Variants in SPECC1 observed in about 807,000 individuals in gnomAD.
SPECC1 encodes the protein cytospin-B.
In SPECC1, 62 loss-of-function variants were observed where a neutral mutation model predicts 104.1. The ratio of observed to expected loss-of-function variants is 0.60; its 90% CI spans 0.49 to 0.74. The LOEUF (loss-of-function observed/expected upper bound fraction) is 0.74. Ranked by LOEUF, SPECC1 falls within the 30% of genes least tolerant of loss-of-function variation. The pLI, the probability that SPECC1 is intolerant of heterozygous loss-of-function variation, is 0.00. For missense variants in SPECC1, 1,306 were observed against 1,310.5 expected (o/e 1.00, Z 0.05); for synonymous variants, 513 against 501.6 (o/e 1.02, Z -0.30).
chr17:20,291,521 C>G (rs1431663082), intron 12 of SPECC1, among the ~76,000 whole-genome samples: 1 of 152,158 alleles, frequency 6.6e-6, no homozygotes, highest in East Asian at 1.9e-4. Flanking sequence ...CACAGGCACT[C>G]AGCAAATGCC....
chr17:20,186,539 C>T (rs191544873), intron 3 of SPECC1, among the ~76,000 whole-genome samples: 250 of 152,226 alleles, frequency 1.6e-3, no homozygotes, highest in African/African-American at 5.6e-3. Context: ...TAAAAGTATG[C>T]CAAATGGTTT....
At chr17:20,270,464 A>G (rs1216994418) in intron 12 of SPECC1, among the ~76,000 whole-genome samples, 2 of 106,552 alleles carry the variant, frequency 1.9e-5, no homozygotes, top group Admixed American at 1.0e-4. Context: ...AAAAAAAAAA[A>G]AAACATTAGC....
At chr17:20,230,848 G>A (rs2038529070) in intron 5 of SPECC1, among the ~76,000 whole-genome samples, 1 of 152,194 alleles carries the variant, frequency 6.6e-6, no homozygotes, top group Non-Finnish European at 1.5e-5. Flanking sequence ...ATAAAAGGAA[G>A]TTAGGGAGTG....
At chr17:20,088,227 C>T (rs1009363500) in intron 1 of SPECC1, among the ~76,000 whole-genome samples, 5 of 152,028 alleles carry the variant, frequency 3.3e-5, no homozygotes, top group Non-Finnish European at 7.4e-5. Flanking sequence ...TTTTTGTGTA[C>T]GTGTCTTAAT....
chr17:20,159,218 C>A (rs746936493), intron 3 of SPECC1, among the ~76,000 whole-genome samples: 24 of 152,044 alleles, frequency 1.6e-4, no homozygotes, highest in Non-Finnish European at 3.1e-4. Flanking sequence ...GTGCTGGGAT[C>A]ACAGGTGTGA....
intron 3 of SPECC1, among the ~76,000 whole-genome samples, chr17:20,187,586 G>C (rs560425402): frequency 2.0e-5 from 3 of 152,198 alleles, no homozygotes; most frequent in African/African-American, 7.2e-5. Context: ...GACCCTGAGA[G>C]AACATCTTTC....
intron 7 of SPECC1, among the ~76,000 whole-genome samples, chr17:20,244,299 A>G (rs73303602): frequency 6.6e-6 from 1 of 152,178 alleles, no homozygotes; most frequent in South Asian, 2.1e-4. Flanking sequence ...AGACCGAGGA[A>G]ATTATTTTCT....
intron 1 of SPECC1, among the ~76,000 whole-genome samples, chr17:20,032,875 CAT>C (rs935029672): frequency 1.3e-5 from 2 of 151,566 alleles, no homozygotes; most frequent in Non-Finnish European, 2.9e-5. Flanking sequence ...TTTCATGCTT[CAT>C]ATATATATGT....
chr17:20,250,311 C>T (rs899869949), intron 9 of SPECC1, among the ~76,000 whole-genome samples: 6 of 152,244 alleles, frequency 3.9e-5, no homozygotes, highest in African/African-American at 1.2e-4. Flanking sequence ...AGTGAAAAGA[C>T]TATTTAAAGG....
chr17:20,187,705 G>T (rs1270907693), intron 3 of SPECC1, among the ~76,000 whole-genome samples: 1 of 152,194 alleles, frequency 6.6e-6, no homozygotes, highest in African/African-American at 2.4e-5. Context: ...GCAACCAAGA[G>T]ATTTTTAACT....
At chr17:20,065,282 C>A (rs1052992671) in intron 1 of SPECC1, among the ~76,000 whole-genome samples, 2 of 152,156 alleles carry the variant, frequency 1.3e-5, no homozygotes, top group African/African-American at 4.8e-5. Context: ...AGCATCAGAT[C>A]CCACAGGGCA....
intron 3 of SPECC1, among the ~76,000 whole-genome samples, chr17:20,135,837 C>T (rs2029892732): frequency 1.3e-5 from 2 of 152,142 alleles, no homozygotes; most frequent in Non-Finnish European, 2.9e-5. Flanking sequence ...TGCACGTAGT[C>T]AATGCAGTAA....
intron 4 of SPECC1, 150 bp from the exon 5 acceptor site, chr17:20,227,263 C>T (rs1341861062): frequency 7.2e-6 from 5 of 697,882 alleles, no homozygotes; most frequent in Non-Finnish European, 1.2e-5. Context: ...GGGAGCTTTT[C>T]GTAATGTTTT....
chr17:20,157,515 G>A (rs1401839329), intron 3 of SPECC1, among the ~76,000 whole-genome samples: 1 of 152,146 alleles, frequency 6.6e-6, no homozygotes, highest in Non-Finnish European at 1.5e-5. Context: ...GTTGGTAAAG[G>A]ATTGGTTCGG....
intron 3 of SPECC1, among the ~76,000 whole-genome samples, chr17:20,194,546 C>T (rs961325990): frequency 2.3e-5 from 2 of 85,536 alleles, no homozygotes; most frequent in African/African-American, 1.0e-4. Context: ...CTTGCTCTGT[C>T]ACCAGGCTGG....
intron 12 of SPECC1, among the ~76,000 whole-genome samples, chr17:20,266,560 G>A (rs2040226008): frequency 6.6e-6 from 1 of 152,162 alleles, no homozygotes; most frequent in Non-Finnish European, 1.5e-5. Flanking sequence ...CTCCAGCCTG[G>A]GCGACAGAGC....
At chr17:20,092,589 G>A (rs1192840531) in intron 1 of SPECC1, among the ~76,000 whole-genome samples, 1 of 152,098 alleles carries the variant, frequency 6.6e-6, no homozygotes, top group Non-Finnish European at 1.5e-5. Context: ...ATGTCTGTCT[G>A]CCTCCTGCCC....
rs1187389942 is a variant in SPECC1, at chr17:20,297,070, A to G, written c.3050A>G (p.Gln1017Arg). ...AHIPYQELNS[Q>R]EKKRNLLLAF... is the part of the protein sequence containing the mutation. ...ATCCCCTACCAGGAGCTGAATAGTC[A>G]GGAGAAAGTAAGTCATGGCCCTGTC... is the stretch of plus-strand genomic sequence containing the variant. Residue 1017 changes from glutamine (Q) to arginine (R), a missense_variant, in exon 13 of 15, where the codon CAG becomes CGG. By Grantham distance (43) the Gln-to-Arg change is conservative (BLOSUM62 1). Coordinates refer to ENST00000395527, the MANE Select transcript of SPECC1 (RefSeq NM_001243439.2). 1.9e-6 allele frequency: 3 copies of G among 1,613,942 alleles called. No homozygotes were observed. The highest frequency in any genetic ancestry group is 2.5e-6 in the Non-Finnish European group (3 of 1,179,884).
At chr17:20,124,169 A>G (rs531075342) in intron 3 of SPECC1, among the ~76,000 whole-genome samples, 6 of 151,674 alleles carry the variant, frequency 4.0e-5, no homozygotes, top group African/African-American at 1.5e-4. Context: ...GTAGATGGCA[A>G]CAGGGAGGGG....
Sources: gnomAD v4.1 joint callset for allele counts (sites outside exome capture counted in the v4.1 genomes callset) on GRCh38, gnomAD v4.1.1 for gene constraint, MANE v1.5 for transcripts, NCBI Gene and HGNC (gene_info 2026-07-23, HGNC 2026-07-21) for gene names.